Variants in TRAPPC10 observed in about 807,000 individuals in gnomAD.
TRAPPC10 encodes trafficking protein particle complex subunit 10.
Under a neutral mutation model 125.5 loss-of-function variants are expected in TRAPPC10, and 23 were observed. That is an observed-to-expected ratio of 0.18 (90% CI 0.13 to 0.26). The LOEUF (loss-of-function observed/expected upper bound fraction) is 0.26, where lower values mean the gene tolerates loss of function less well. Ranked by LOEUF, TRAPPC10 falls within the 10% of genes least tolerant of loss-of-function variation. The pLI is 1.00. For missense variants in TRAPPC10, 1,123 were observed against 1,308.4 expected (o/e 0.86, Z 2.19); for synonymous variants, 509 against 518.0 (o/e 0.98, Z 0.24).
intron 7 of TRAPPC10, among the ~76,000 whole-genome samples, chr21:44,064,067 C>A (rs2036247020): frequency 6.6e-6 from 1 of 152,202 alleles, no homozygotes; most frequent in African/African-American, 2.4e-5. Context: ...GCCTGTGCTG[C>A]TGCGTGAGCT....
At chr21:44,030,426 A>G (rs1346950971) in intron 1 of TRAPPC10, among the ~76,000 whole-genome samples, 1 of 152,054 alleles carries the variant, frequency 6.6e-6, no homozygotes, top group Non-Finnish European at 1.5e-5. Context: ...CCAGAGGCTA[A>G]CTAAAGATTT....
In TRAPPC10 at chr21:44,070,580, G is replaced by A. The variant is rs74973438; in HGVS notation, c.1039-3744G>A. On this transcript the variant is annotated intron_variant, in intron 7 of 22. Transcript: ENST00000291574. ...ATGCCACCATAGAGGCATGGCCTTC[G>A]TGCTGTTGGCTGAGGTGCCCATTTT... Among the ~76,000 whole-genome samples, 50 of 152,336 alleles carry A rather than the reference G, an allele frequency of 3.3e-4. No homozygotes were observed. In the East Asian group the frequency reaches 8.3e-3, roughly 25 times the overall value.
Position 44,018,207 on chromosome 21 carries a change from T to G in TRAPPC10, c.67+5647T>G, listed in dbSNP as rs148875052. On this transcript the variant is annotated intron_variant, in intron 1 of 22. Transcript: ENST00000291574. ...CTGAAATAATCAAGTATGATACAGC[T>G]TGGGCAACATAGGGAATTCCTATCT... Among the ~76,000 whole-genome samples, 73 of 152,102 alleles carry G rather than the reference T, an allele frequency of 4.8e-4. 1 individual carries two copies. In the Middle Eastern group the frequency reaches 0.02, roughly 43 times the overall value.
chr21:44,035,285 C>T (rs574467685), intron 2 of TRAPPC10, among the ~76,000 whole-genome samples: 7 of 152,262 alleles, frequency 4.6e-5, no homozygotes, highest in African/African-American at 1.7e-4. Flanking sequence ...CCAAGAAGGC[C>T]CTCACCAGAT....
At chr21:44,036,307 G>A (rs535166691) in intron 2 of TRAPPC10, among the ~76,000 whole-genome samples, 12 of 152,350 alleles carry the variant, frequency 7.9e-5, no homozygotes, top group African/African-American at 2.6e-4. Flanking sequence ...CTGAGGGAAA[G>A]TACCCCAGAC....
intron 19 of TRAPPC10, 113 bp downstream of exon 19, chr21:44,092,162 T>C: frequency 7.3e-7 from 1 of 1,374,006 alleles, no homozygotes; most frequent in Non-Finnish European, 9.9e-7. Context: ...GCACTGCTGA[T>C]GAGTAAAGGC....
intron 3 of TRAPPC10, among the ~76,000 whole-genome samples, chr21:44,050,769 C>T (rs2035179160): frequency 6.6e-6 from 1 of 152,168 alleles, no homozygotes; most frequent in Non-Finnish European, 1.5e-5. Context: ...AAGATCTTTT[C>T]AGATTGTATG....
intron 20 of TRAPPC10, among the ~76,000 whole-genome samples, chr21:44,094,435 T>G (rs1456776250): frequency 6.6e-6 from 1 of 152,164 alleles, no homozygotes; most frequent in Non-Finnish European, 1.5e-5. Flanking sequence ...ACATCTGAGA[T>G]GCCCACACTC....
intron 7 of TRAPPC10, among the ~76,000 whole-genome samples, chr21:44,068,312 G>A (rs2036602012): frequency 6.6e-6 from 1 of 152,158 alleles, no homozygotes; most frequent in Non-Finnish European, 1.5e-5. Flanking sequence ...GGTGGCGCGG[G>A]AGAGTGCGTT....
intron 7 of TRAPPC10, among the ~76,000 whole-genome samples, chr21:44,070,227 C>G (rs975429853): frequency 9.9e-5 from 15 of 152,116 alleles, no homozygotes; most frequent in African/African-American, 3.6e-4. Flanking sequence ...AACAAGAATG[C>G]CTTTAATTTT....
chr21:44,025,141 T>A (rs2032925770), intron 1 of TRAPPC10, among the ~76,000 whole-genome samples: 2 of 152,196 alleles, frequency 1.3e-5, no homozygotes, highest in Non-Finnish European at 2.9e-5. Flanking sequence ...ACGGGCCTGT[T>A]GGGATGGAGC....
chr21:44,051,061 G>T (rs1472988994), intron 3 of TRAPPC10, among the ~76,000 whole-genome samples: 1 of 152,180 alleles, frequency 6.6e-6, no homozygotes. Flanking sequence ...ACACCGCCAT[G>T]CCCGGCTAAT....
chr21:44,091,224 G>C (rs1319821809), intron 18 of TRAPPC10, among the ~76,000 whole-genome samples: 1 of 152,140 alleles, frequency 6.6e-6, no homozygotes, highest in Non-Finnish European at 1.5e-5. Flanking sequence ...TATTTTCAAA[G>C]TTTTGCATGT....
chr21:44,082,763 CACTT>C lies in TRAPPC10; in HGVS notation c.1724-22_1724-19del, dbSNP rs754831769. ...TGTCAGGAAGTGTGACTTGGGGAGT[CACTT>C]ACGATAATGTCTATTTACAGGTCAT... On this transcript the variant is annotated intron_variant, in intron 13 of 22. Transcript: ENST00000291574. The surrounding 1 kb of genome is among the most constrained non-coding windows in gnomAD (Gnocchi z 4.4). 1 of 1,609,570 alleles carries C rather than the reference CACTT, an allele frequency of 6.2e-7. No homozygotes were observed.
At chr21:44,032,636 CCT>C (rs945425960) in intron 2 of TRAPPC10, among the ~76,000 whole-genome samples, 25 of 152,304 alleles carry the variant, frequency 1.6e-4, no homozygotes, top group African/African-American at 5.3e-4. Flanking sequence ...CCCTCCTCGG[CCT>C]CTCAAGGTGC....
chr21:44,079,221 C>T (rs943332115), intron 11 of TRAPPC10, among the ~76,000 whole-genome samples: 1 of 152,160 alleles, frequency 6.6e-6, no homozygotes, highest in Non-Finnish European at 1.5e-5. Context: ...AGCCTTGGCC[C>T]TCTTGCCTGT....
rs186973775 is a variant in TRAPPC10 at position 44,061,509 on chromosome 21, C to G, written c.791-2029C>G. Among the ~76,000 whole-genome samples, 455 of 150,076 alleles carry G rather than the reference C, an allele frequency of 3.0e-3. 2 individuals are homozygous for G. The highest frequency in any genetic ancestry group is 0.011 in the African/African-American group (429 of 40,780). ...GTCTCGATCTCTTAACCTCGTGATT[C>G]GCCCGCCTCAGCCTCCCAAAGTGCT... On this transcript the variant is annotated intron_variant, in intron 6 of 22. Transcript: ENST00000291574.
intron 1 of TRAPPC10, among the ~76,000 whole-genome samples, chr21:44,028,220 T>G (rs2033247509): frequency 6.6e-6 from 1 of 152,266 alleles, no homozygotes; most frequent in Non-Finnish European, 1.5e-5. Context: ...CCTATGTTAG[T>G]AATCTGATTG....
intron 2 of TRAPPC10, among the ~76,000 whole-genome samples, chr21:44,037,561 C>G (rs1203855746): frequency 1.3e-5 from 2 of 152,146 alleles, no homozygotes; most frequent in Non-Finnish European, 2.9e-5. Context: ...GTGCCTGTAT[C>G]CTTGAGGAAA....
Sources: gnomAD v4.1 joint callset for allele counts (sites outside exome capture counted in the v4.1 genomes callset) on GRCh38, gnomAD v4.1.1 for gene constraint, Gnocchi (gnomAD v3.1) non-coding constraint, MANE v1.5 for transcripts, NCBI Gene and HGNC (gene_info 2026-07-23, HGNC 2026-07-21) for gene names.